RAPGEF4: variants seen among roughly 807,000 people sequenced by gnomAD.
The protein encoded by RAPGEF4 is Rap guanine nucleotide exchange factor 4.
A neutral mutation model predicts 147.9 loss-of-function variants in RAPGEF4; 66 were observed. The ratio of observed to expected loss-of-function variants is 0.45; its 90% CI spans 0.37 to 0.55. RAPGEF4 has a LOEUF of 0.55. Ranked by LOEUF, RAPGEF4 falls within the 20% of genes least tolerant of loss-of-function variation. RAPGEF4 has a pLI of 0.00. For missense variants in RAPGEF4, 1,071 were observed against 1,257.3 expected (o/e 0.85, Z 2.24); for synonymous variants, 419 against 442.7 (o/e 0.95, Z 0.67).
At chr2:172,812,893 A>G (rs1334380467) in intron 3 of RAPGEF4, among the ~76,000 whole-genome samples, 1 of 152,228 alleles carries the variant, frequency 6.6e-6, no homozygotes, top group Non-Finnish European at 1.5e-5. Context: ...TTTTACTAGC[A>G]TTTAAAAATT....
At chr2:173,046,499 C>T (rs1260699395) in intron 29 of RAPGEF4, among the ~76,000 whole-genome samples, 7 of 152,118 alleles carry the variant, frequency 4.6e-5, no homozygotes, top group South Asian at 2.1e-4. Flanking sequence ...CCAGGGTTTT[C>T]GGTAATTACA....
In RAPGEF4 at chr2:172,764,953, A is replaced by T. The variant is rs139579272; in HGVS notation, c.65+28905A>T. ...CCTACAACTGCCAAAACAAAGTACC[A>T]CAAACTGGGTGGCTTAAAGAATAGG... is the stretch of plus-strand genomic sequence containing the variant. On this transcript the variant is annotated intron_variant, in intron 1 of 30. Coordinates refer to ENST00000397081, the MANE Select transcript of RAPGEF4 (RefSeq NM_007023.4). Among the ~76,000 whole-genome samples the T allele has an allele frequency of 4.5e-4, 69 of 152,266 alleles. No homozygotes were observed. In the East Asian group the frequency reaches 0.012, roughly 26 times the overall value.
intron 1 of RAPGEF4, among the ~76,000 whole-genome samples, chr2:172,776,507 A>AT (rs897525814): frequency 2.0e-5 from 3 of 151,746 alleles, no homozygotes; most frequent in African/African-American, 7.3e-5. Context: ...ATTTCTTTAA[A>AT]TTTTTTTCCC....
At chr2:172,963,476 T>C (rs1437352173) in intron 8 of RAPGEF4, among the ~76,000 whole-genome samples, 1 of 152,252 alleles carries the variant, frequency 6.6e-6, no homozygotes, top group African/African-American at 2.4e-5. Context: ...TGCCAAGTAT[T>C]GACTTGCATT....
At chr2:172,923,666 T>G (rs1345820769) in intron 6 of RAPGEF4, among the ~76,000 whole-genome samples, 1 of 152,240 alleles carries the variant, frequency 6.6e-6, no homozygotes, top group Non-Finnish European at 1.5e-5. Flanking sequence ...TGTGTGGTCT[T>G]GCCCAAGCTA....
chr2:172,965,882 T>C (rs1359272909), intron 9 of RAPGEF4, among the ~76,000 whole-genome samples, 199 bp downstream of exon 9: 1 of 152,224 alleles, frequency 6.6e-6, no homozygotes, highest in Non-Finnish European at 1.5e-5. Context: ...TGTACCTTCC[T>C]AACTTGGGAG....
chr2:172,978,187 G>A (rs1362715353), intron 10 of RAPGEF4, among the ~76,000 whole-genome samples: 2 of 146,512 alleles, frequency 1.4e-5, no homozygotes, highest in Admixed American at 6.7e-5. Flanking sequence ...CTGTGCAGAT[G>A]TAGTGGTCAC....
chr2:172,905,591 G>T (rs1699541161), intron 4 of RAPGEF4, among the ~76,000 whole-genome samples: 1 of 152,212 alleles, frequency 6.6e-6, no homozygotes, highest in African/African-American at 2.4e-5. Flanking sequence ...AACTTTATCT[G>T]CTCGCTTGTA....
intron 1 of RAPGEF4, among the ~76,000 whole-genome samples, chr2:172,740,978 A>G (rs751190576): frequency 3.9e-5 from 6 of 152,314 alleles, no homozygotes; most frequent in African/African-American, 7.2e-5. Context: ...GGGAAATCCA[A>G]TTATTCTCAG....
intron 4 of RAPGEF4, among the ~76,000 whole-genome samples, chr2:172,877,771 G>A (rs962944725): frequency 3.3e-5 from 5 of 152,102 alleles, no homozygotes; most frequent in Non-Finnish European, 5.9e-5. Context: ...TTTCTTCATT[G>A]CTACCCTGAT....
chr2:172,843,317 T>C (rs1691822829), intron 4 of RAPGEF4, among the ~76,000 whole-genome samples: 1 of 152,158 alleles, frequency 6.6e-6, no homozygotes, highest in Non-Finnish European at 1.5e-5. Context: ...AAATATAGGC[T>C]CTATCCTTAA....
chr2:172,905,996 T>G (rs1016171282), intron 4 of RAPGEF4, among the ~76,000 whole-genome samples: 1 of 152,222 alleles, frequency 6.6e-6, no homozygotes, highest in African/African-American at 2.4e-5. Flanking sequence ...GCCTTCCATT[T>G]ATAACTGCTT....
intron 12 of RAPGEF4, among the ~76,000 whole-genome samples, chr2:172,985,844 G>C (rs530158565): frequency 2.6e-5 from 4 of 152,154 alleles, no homozygotes; most frequent in Non-Finnish European, 4.4e-5. Flanking sequence ...ACCTCATTTC[G>C]TTCATAGCTT....
intron 1 of RAPGEF4, among the ~76,000 whole-genome samples, chr2:172,766,350 G>C (rs925796490): frequency 6.6e-6 from 1 of 152,068 alleles, no homozygotes; most frequent in Non-Finnish European, 1.5e-5. Context: ...CCGGGAGTTC[G>C]AGACCAGCCT....
intron 4 of RAPGEF4, among the ~76,000 whole-genome samples, chr2:172,892,219 T>A (rs1698003686): frequency 6.6e-6 from 1 of 152,184 alleles, no homozygotes. Context: ...GTCCCTGAGG[T>A]CCAGCTAGGA....
rs1356260833 is a variant in RAPGEF4, at chr2:173,052,599, C to A, written c.*832C>A. 2.0e-5 allele frequency: 3 copies of A among 152,572 alleles called. No homozygotes were observed. Among genetic ancestry groups the A allele is most frequent in the African/African-American group, 7.2e-5 (3 of 41,446 alleles). The allele number at this position is 152,572 out of a possible 1,614,324, so 9.5% of individuals were successfully genotyped here. A position where few individuals can be genotyped will look rare whatever the true frequency, so the allele number is the denominator to read the frequency against. On this transcript the variant is annotated 3_prime_UTR_variant, in exon 31 of 31. Transcript: ENST00000397081. ...ACAAATTTATTGTACCTGATGAAAA[C>A]ATATTTTCTGGACTTAAATGTTATT...
intron 4 of RAPGEF4, among the ~76,000 whole-genome samples, chr2:172,897,732 C>CTATTTTATTTTATTTTATTT (rs71018523): frequency 0.45 from 59,849 of 133,784 alleles, 14,722 homozygotes; most frequent in East Asian, 0.79. Context: ...GAGTTTTCAT[C>CTATTTTATTTTATTTTATTT]TATTTTATTT....
chr2:172,959,697 G>A (rs16861089), intron 6 of RAPGEF4, among the ~76,000 whole-genome samples: 3,960 of 152,054 alleles, frequency 0.026, 70 homozygotes, highest in South Asian at 0.058. Context: ...TTATTTCAGA[G>A]CAAGAAAACG....
intron 4 of RAPGEF4, among the ~76,000 whole-genome samples, chr2:172,867,370 G>C (rs935654385): frequency 2.0e-5 from 3 of 152,216 alleles, no homozygotes; most frequent in Admixed American, 2.0e-4. Flanking sequence ...GTTTCCTTCA[G>C]TTCTTTTACT....
Sources: gnomAD v4.1 joint callset for allele counts (sites outside exome capture counted in the v4.1 genomes callset) on GRCh38, gnomAD v4.1.1 for gene constraint, MANE v1.5 for transcripts, NCBI Gene and HGNC (gene_info 2026-07-23, HGNC 2026-07-21) for gene names.